Variants in GPBP1L1 observed in about 807,000 individuals in gnomAD.
GPBP1L1 encodes the protein vasculin-like protein 1.
Under a neutral mutation model 52.5 loss-of-function variants are expected in GPBP1L1, and 23 were observed. The ratio of observed to expected loss-of-function variants is 0.44; its 90% CI spans 0.32 to 0.62. GPBP1L1 has a LOEUF of 0.62. GPBP1L1 is among the 20% of genes least tolerant of loss of function. GPBP1L1 has a pLI of 0.06. For synonymous variants in GPBP1L1, 243 were observed against 203.1 expected, an observed-to-expected ratio of 1.20 and a Z score of -1.67; for missense variants, 596 against 579.3, an observed-to-expected ratio of 1.03 and a Z score of -0.30.
intron 2 of GPBP1L1, among the ~76,000 whole-genome samples, chr1:45,671,201 C>T (rs1005884027): frequency 2.1e-5 from 3 of 143,930 alleles, no homozygotes; most frequent in Admixed American, 1.5e-4. Flanking sequence ...CTATTCTTGG[C>T]TCTCTGGCTT....
At position 45,631,144 on chromosome 1, in the gene GPBP1L1, T is replaced by A. The variant is rs1644526023; in HGVS notation, c.1045-538A>T. Among the ~76,000 whole-genome samples the A allele has an allele frequency of 1.3e-5, 2 of 149,986 alleles. 1 individual carries two copies. Among genetic ancestry groups the A allele is most frequent in the Non-Finnish European group, 3.0e-5 (2 of 67,574 alleles). ...CCTTACAGCCGTCACAAAAATAAAG[T>A]CAAAATGGGTCACAGACCTAAATGT... On this transcript the variant is annotated intron_variant, in intron 10 of 12. Coordinates refer to ENST00000355105, the MANE Select transcript of GPBP1L1 (RefSeq NM_021639.5).
rs190450867 is a variant in GPBP1L1, at chr1:45,646,147, G to A, written c.478-3648C>T. 151 of 382,530 alleles carry A rather than the reference G, an allele frequency of 3.9e-4. 1 individual carries two copies. Among genetic ancestry groups the A allele is most frequent in the Admixed American group, 1.9e-3 (55 of 29,166 alleles). The allele number at this position is 382,530 out of a possible 1,614,324, so 23.7% of individuals were successfully genotyped here. A position where few individuals can be genotyped will look rare whatever the true frequency, so the allele number is the denominator to read the frequency against. On this transcript the variant is annotated intron_variant, in intron 6 of 12. Transcript: ENST00000355105. ...AGAACCGGCGTTTCCCTCTCTTTTC[G>A]GCATTGGTGATACTCTTGAGAGCAA...
At position 45,628,242 on chromosome 1, in the gene GPBP1L1, G is replaced by A. The variant is rs1240987951; in HGVS notation, c.*14C>T. 2 of 1,612,622 alleles carry A rather than the reference G, an allele frequency of 1.2e-6. No individual in the cohort carries two copies. Among genetic ancestry groups the A allele is most frequent in the South Asian group, 2.2e-5 (2 of 91,056 alleles). ...AGTTTACTGGGTCAGATTTAACTGT[G>A]AGCATTTATATGCCTACTTCCAGGC... On this transcript the variant is annotated 3_prime_UTR_variant, in exon 13 of 13. Transcript: ENST00000355105.
At chr1:45,633,340 C>A (rs1207830183) in intron 10 of GPBP1L1, 149 bp downstream of exon 10, 13 of 717,584 alleles carry the variant, frequency 1.8e-5, no homozygotes, top group Non-Finnish European at 3.0e-5. Flanking sequence ...ACTCACTTTA[C>A]TATGTGGTCT....
At chr1:45,644,898 GCA>G (rs1644723248) in intron 6 of GPBP1L1, among the ~76,000 whole-genome samples, 1 of 152,144 alleles carries the variant, frequency 6.6e-6, no homozygotes, top group African/African-American at 2.4e-5. Flanking sequence ...CCCCTATTTG[GCA>G]ATTCAACAGT....
intron 10 of GPBP1L1, among the ~76,000 whole-genome samples, chr1:45,631,824 G>C (rs965451942): frequency 2.6e-5 from 4 of 152,168 alleles, no homozygotes; most frequent in African/African-American, 9.7e-5. Flanking sequence ...GGAGGCTGAG[G>C]CTGAGGCATA....
At chr1:45,677,952 C>G (rs1354414757) in intron 2 of GPBP1L1, among the ~76,000 whole-genome samples, 1 of 152,174 alleles carries the variant, frequency 6.6e-6, no homozygotes, top group Non-Finnish European at 1.5e-5. Context: ...AGTTGTAAAA[C>G]CTCTATGACC....
chr1:45,666,758 A>G (rs185780649), intron 2 of GPBP1L1, among the ~76,000 whole-genome samples: 1 of 152,350 alleles, frequency 6.6e-6, no homozygotes, highest in East Asian at 1.9e-4. Flanking sequence ...ATGAACGTTC[A>G]CAGCAGCCTT....
intron 2 of GPBP1L1, among the ~76,000 whole-genome samples, chr1:45,682,500 T>C (rs1254140351): frequency 6.6e-6 from 1 of 152,244 alleles, no homozygotes; most frequent in Non-Finnish European, 1.5e-5. Flanking sequence ...AATGACTTTG[T>C]TAAAATCAAC....
At chr1:45,634,542 T>C (rs1249642444) in intron 8 of GPBP1L1, 3 of 231,898 alleles carry the variant, frequency 1.3e-5, no homozygotes, top group Non-Finnish European at 2.5e-5. Context: ...TTCTTCACTG[T>C]GCAATTTCTC....
intron 2 of GPBP1L1, among the ~76,000 whole-genome samples, chr1:45,668,593 GT>G (rs1376236627): frequency 6.6e-6 from 1 of 151,744 alleles, no homozygotes; most frequent in Non-Finnish European, 1.5e-5. Context: ...AGTGGCAGAG[GT>G]TGCAGTGAGC....
chr1:45,654,645 G>A lies in GPBP1L1; in HGVS notation c.375C>T (p.His125=), dbSNP rs1644861246. The A allele has an allele frequency of 1.2e-6, 2 of 1,614,034 alleles. No individual in the cohort carries two copies. Among genetic ancestry groups the A allele is most frequent in the Non-Finnish European group, 1.7e-6 (2 of 1,180,030 alleles). Residue 125 remains histidine (H), a synonymous_variant, in exon 6 of 13, where the codon CAC becomes CAT. Transcript: ENST00000355105. ...GNHRHWNGSF[H]SRKGCAFQEK... ...CCTGAAAAGCACACCCTTTCCGGGA[G>A]TGGAAGCTGCCATTCCAATGGCGAT...
At chr1:45,644,569 T>C (rs1165028064) in intron 6 of GPBP1L1, among the ~76,000 whole-genome samples, 1 of 149,136 alleles carries the variant, frequency 6.7e-6, no homozygotes, top group Admixed American at 6.7e-5. Flanking sequence ...TTTTTTTTTT[T>C]ACTAACCCAT....
chr1:45,653,845 C>T (rs1408903601), intron 6 of GPBP1L1, among the ~76,000 whole-genome samples: 2 of 151,592 alleles, frequency 1.3e-5, no homozygotes, highest in East Asian at 3.9e-4. Context: ...ATTATAGGCA[C>T]TTGCCACCAA....
chr1:45,649,853 A>G (rs1275652734), intron 6 of GPBP1L1, among the ~76,000 whole-genome samples: 1 of 152,080 alleles, frequency 6.6e-6, no homozygotes, highest in Non-Finnish European at 1.5e-5. Context: ...GGCAACCATA[A>G]AACCATTCTG....
At chr1:45,628,946 G>A (rs1171955798) in intron 12 of GPBP1L1, among the ~76,000 whole-genome samples, 1 of 152,212 alleles carries the variant, frequency 6.6e-6, no homozygotes, top group Non-Finnish European at 1.5e-5. Context: ...ACAGGCGTGA[G>A]CCACTGTGCC....
At chr1:45,632,734 A>G (rs1279333310) in intron 10 of GPBP1L1, among the ~76,000 whole-genome samples, 1 of 152,202 alleles carries the variant, frequency 6.6e-6, no homozygotes, top group Admixed American at 6.5e-5. Flanking sequence ...ATAAATAAGA[A>G]AGAATGAAGA....
intron 2 of GPBP1L1, among the ~76,000 whole-genome samples, chr1:45,665,709 A>G (rs1430022305): frequency 7.0e-6 from 1 of 143,652 alleles, no homozygotes; most frequent in East Asian, 2.0e-4. Context: ...CCACCACTGC[A>G]CTCCAGCCTG....
chr1:45,685,780 G>C (rs1444934216), intron 1 of GPBP1L1, among the ~76,000 whole-genome samples, 160 bp from the exon 2 acceptor site: 1 of 152,120 alleles, frequency 6.6e-6, no homozygotes, highest in African/African-American at 2.4e-5. Flanking sequence ...TCACGGGTTG[G>C]GGAGAACTAG....
Sources: allele counts gnomAD v4.1 joint callset (sites outside exome capture counted in the v4.1 genomes callset), GRCh38; gene constraint gnomAD v4.1.1; transcripts MANE v1.5; gene names NCBI Gene and HGNC (gene_info 2026-07-23, HGNC 2026-07-21).